MTA3: variants seen among roughly 807,000 people sequenced by gnomAD.
The protein encoded by MTA3 is metastasis-associated protein MTA3.
A neutral mutation model predicts 83.5 loss-of-function variants in MTA3; 34 were observed. The observed-to-expected ratio is 0.41, with a 90% CI of 0.31 to 0.54. The LOEUF is 0.54. Among genes scored for constraint, MTA3 ranks in the 20% least tolerant of loss-of-function variants. The pLI is 0.33. For synonymous variants in MTA3, 303 were observed against 252.7 expected (o/e 1.20, Z -1.89); for missense variants, 761 against 726.4 (o/e 1.05, Z -0.55).
At chr2:42,588,558 G>A (rs1478074374) in intron 3 of MTA3, among the ~76,000 whole-genome samples, 1 of 152,170 alleles carries the variant, frequency 6.6e-6, no homozygotes, top group Non-Finnish European at 1.5e-5. Context: ...GAAACCAGCA[G>A]ACATGGAAGA....
At chr2:42,557,281 T>C (rs1305815708) in intron 2 of MTA3, among the ~76,000 whole-genome samples, 1 of 136,478 alleles carries the variant, frequency 7.3e-6, no homozygotes, top group East Asian at 2.2e-4. Flanking sequence ...TTTGTCTCAA[T>C]ATAAATAAAT....
At chr2:42,660,339 G>A (rs915259743) in intron 8 of MTA3, among the ~76,000 whole-genome samples, 2 of 152,022 alleles carry the variant, frequency 1.3e-5, no homozygotes, top group Admixed American at 6.6e-5. Flanking sequence ...CACCCGCCTC[G>A]GCCTTCCGAA....
At chr2:42,668,084 A>G (rs181926800) in intron 8 of MTA3, among the ~76,000 whole-genome samples, 5 of 152,244 alleles carry the variant, frequency 3.3e-5, no homozygotes, top group Admixed American at 6.5e-5. Flanking sequence ...TGCTTCAGGA[A>G]GGTTATGGAT....
At chr2:42,732,797 C>G (rs1427715681) in intron 16 of MTA3, among the ~76,000 whole-genome samples, 2 of 152,198 alleles carry the variant, frequency 1.3e-5, no homozygotes, top group Non-Finnish European at 2.9e-5. Context: ...GCTAAATCAT[C>G]TTTCTCAAGT....
Position 42,499,961 on chromosome 2 carries a change from GA to G in MTA3, c.-141+4719del, listed in dbSNP as rs929451419. ...ACCTCAATAAAGTGTTTTCTTTTTT[GA>G]AAAAAAAAAAAGAGAGAGAGAGATG... On this transcript the variant is annotated intron_variant, in intron 2 of 17. Coordinates refer to the MTA3 transcript ENST00000405592. Among the ~76,000 whole-genome samples, 913 of 138,120 alleles carry G rather than the reference GA, an allele frequency of 6.6e-3. 10 individuals carry two copies. Among genetic ancestry groups the G allele is most frequent in the African/African-American group, 0.02 (735 of 37,674 alleles). The allele number at this position is 138,120 out of a possible 152,430, so 90.6% of individuals were successfully genotyped here. A position where few individuals can be genotyped will look rare whatever the true frequency, so the allele number is the denominator to read the frequency against.
At chr2:42,546,067 C>A (rs951014163) in intron 2 of MTA3, among the ~76,000 whole-genome samples, 1 of 152,094 alleles carries the variant, frequency 6.6e-6, no homozygotes, top group African/African-American at 2.4e-5. Flanking sequence ...TTGGCTGATC[C>A]GGGAATTCAC....
intron 14 of MTA3, among the ~76,000 whole-genome samples, chr2:42,710,070 T>C (rs1282935722): frequency 6.6e-6 from 1 of 152,168 alleles, no homozygotes; most frequent in Non-Finnish European, 1.5e-5. Context: ...GCCTAACAGA[T>C]AGGAAATCCT....
Position 42,753,860 on chromosome 2 carries a change from TAAG to T in MTA3, c.*464_*466del, listed in dbSNP as rs1253191104. 11 of 989,822 alleles carry T rather than the reference TAAG, an allele frequency of 1.1e-5. No individual in the cohort carries two copies. In the Admixed American group the frequency reaches 4.2e-4, roughly 38 times the overall value. 61.3% of individuals were successfully genotyped at this position (989,822 alleles called of 1,614,324 possible). A position where few individuals can be genotyped will look rare whatever the true frequency, so the allele number is the denominator to read the frequency against. On this transcript the variant is annotated 3_prime_UTR_variant, in exon 17 of 17. Coordinates refer to ENST00000405094, the MANE Select transcript of MTA3 (RefSeq NM_001330442.2). ...GGCATCTTTCTGAATGGATTTTTCTTAAGAAATGCGCCAGTGTTTATGAGGTTC... is the reference window on the plus strand; with the variant it reads ...GGCATCTTTCTGAATGGATTTTTCTTAAATGCGCCAGTGTTTATGAGGTTC...
intron 15 of MTA3, 46 bp downstream of exon 15, chr2:42,719,120 A>G: frequency 7.3e-7 from 1 of 1,376,066 alleles, no homozygotes; most frequent in Non-Finnish European, 1.0e-6. Context: ...CAATTTCTGA[A>G]TAGTATAGAT....
chr2:42,668,262 G>A (rs74701927), intron 8 of MTA3, among the ~76,000 whole-genome samples: 3,307 of 152,294 alleles, frequency 0.022, 127 homozygotes, highest in African/African-American at 0.075. Context: ...AACATTAGCT[G>A]CTCAGGTTGG....
intron 6 of MTA3, among the ~76,000 whole-genome samples, chr2:42,653,735 CTG>C (rs1391004973): frequency 9.2e-5 from 14 of 152,124 alleles, no homozygotes; most frequent in African/African-American, 3.4e-4. Flanking sequence ...ATGCTGCAGA[CTG>C]TATGGGTGGA....
rs1400374229 is a variant in MTA3 at position 42,570,512 on chromosome 2, C to CT, written c.96+9dup. Reference sequence around the variant, plus strand: ...ATAGAAGAACTCAACAAGGTATACACTGAGTGTTCTTAATTTTAATATTAA... The same window carrying CT: ...ATAGAAGAACTCAACAAGGTATACACTTGAGTGTTCTTAATTTTAATATTAA... On this transcript the variant is annotated intron_variant, in intron 2 of 16. Transcript: ENST00000405094. The CT allele has an allele frequency of 7.1e-7, 1 of 1,401,368 alleles. No homozygotes were observed. The highest frequency in any genetic ancestry group is 9.6e-7 in the Non-Finnish European group (1 of 1,042,136). 86.8% of individuals were successfully genotyped at this position (1,401,368 alleles called of 1,614,324 possible).
intron 4 of MTA3, among the ~76,000 whole-genome samples, chr2:42,627,871 C>A (rs1029089652): frequency 6.6e-6 from 1 of 151,676 alleles, no homozygotes; most frequent in Non-Finnish European, 1.5e-5. Flanking sequence ...AGCCACCATT[C>A]CCTGCCAGGT....
chr2:42,711,408 A>G (rs1002090623), intron 14 of MTA3, among the ~76,000 whole-genome samples: 1 of 152,228 alleles, frequency 6.6e-6, no homozygotes, highest in Non-Finnish European at 1.5e-5. Flanking sequence ...CTATAAGCAT[A>G]TAGATTATAG....
chr2:42,548,846 A>ATATATATATTATATATATATATATAAT lies in MTA3; in HGVS notation c.-140-21591_-140-21590insTATATATATTATATATATATATATAAT, dbSNP rs1553340715. 1.5e-3 allele frequency among the ~76,000 whole-genome samples: 23 copies of ATATATATATTATATATATATATATAAT among 15,058 alleles called. 1 individual carries two copies. Among genetic ancestry groups the ATATATATATTATATATATATATATAAT allele is most frequent in the African/African-American group, 5.3e-3 (20 of 3,792 alleles). The allele number at this position is 15,058 out of a possible 152,430, so 9.9% of individuals were successfully genotyped here. On this transcript the variant is annotated intron_variant, in intron 2 of 17. Coordinates refer to the MTA3 transcript ENST00000405592. Reference sequence around the variant, plus strand: ...ATATATATAATATATATATATATATAATATATATATATAATATATATATAT... The same window carrying ATATATATATTATATATATATATATAAT: ...ATATATATAATATATATATATATATATATATATATTATATATATATATATAATATATATATATATAATATATATATAT...
intron 11 of MTA3, among the ~76,000 whole-genome samples, chr2:42,699,451 G>T (rs912164895): frequency 3.9e-5 from 6 of 152,122 alleles, no homozygotes; most frequent in African/African-American, 1.4e-4. Context: ...ACAATGAAGA[G>T]TCATGGTCAG....
intron 15 of MTA3, 34 bp from the exon 16 acceptor site, chr2:42,722,855 G>C: frequency 6.5e-7 from 1 of 1,549,222 alleles, no homozygotes; most frequent in East Asian, 2.4e-5. Flanking sequence ...TTAATATCAT[G>C]TTCTGAATTG....
intron 16 of MTA3, among the ~76,000 whole-genome samples, chr2:42,730,460 C>T (rs1029930594): frequency 3.3e-5 from 5 of 152,262 alleles, no homozygotes; most frequent in Non-Finnish European, 7.4e-5. Context: ...TTTTCAGCCT[C>T]AATTAAAATA....
intron 4 of MTA3, among the ~76,000 whole-genome samples, chr2:42,631,348 G>T (rs1686653821): frequency 6.6e-6 from 1 of 152,194 alleles, no homozygotes; most frequent in Non-Finnish European, 1.5e-5. Context: ...TTTGGAAGAT[G>T]TGTGTTTATA....
Sources: gnomAD v4.1 joint callset for allele counts (sites outside exome capture counted in the v4.1 genomes callset) on GRCh38, gnomAD v4.1.1 for gene constraint, MANE v1.5 for transcripts, NCBI Gene and HGNC (gene_info 2026-07-23, HGNC 2026-07-21) for gene names.